PLEKHG4B: variants seen among roughly 807,000 people sequenced by gnomAD.
The protein encoded by PLEKHG4B is pleckstrin homology and RhoGEF domain containing G4B, also known as pleckstrin homology domain-containing family G member 4B.
In PLEKHG4B, 111 loss-of-function variants were observed where a neutral mutation model predicts 121.3. That is an observed-to-expected ratio of 0.92 (90% CI 0.78 to 1.07). PLEKHG4B has a LOEUF of 1.07. Ranked by LOEUF, PLEKHG4B falls within the 50% of genes least tolerant of loss-of-function variation. PLEKHG4B has a pLI of 0.00. For missense variants in PLEKHG4B, 1,831 were observed against 1,757.8 expected, an observed-to-expected ratio of 1.04 and a Z score of -0.74; for synonymous variants, 738 against 725.0, an observed-to-expected ratio of 1.02 and a Z score of -0.29.
chr5:133,245 C>T (rs559355327), intron 2 of PLEKHG4B, among the ~76,000 whole-genome samples: 28 of 152,130 alleles, frequency 1.8e-4, no homozygotes, highest in Non-Finnish European at 3.4e-4. Context: ...AATTTTGTGT[C>T]CTGAAACTTT....
At chr5:148,998 T>TA (rs1453140887) in intron 6 of PLEKHG4B, among the ~76,000 whole-genome samples, 1 of 152,146 alleles carries the variant, frequency 6.6e-6, no homozygotes, top group African/African-American at 2.4e-5. Flanking sequence ...AAATGGTGCT[T>TA]AAAAAACTAG....
Position 135,187 on chromosome 5 carries a change from C to CAAAAAAAAA in PLEKHG4B, c.244-4282_244-4274dup, listed in dbSNP as rs35601775. The stretch of plus-strand genomic sequence containing the variant: ...TGGGTGACAGAACGAGACTCCAGCT[C>CAAAAAAAAA]AAAAAAAAAAAAAAAAAAAAAAGTT... On this transcript the variant is annotated intron_variant, in intron 2 of 19. Transcript: ENST00000637938. Among the ~76,000 whole-genome samples the CAAAAAAAAA allele has an allele frequency of 1.1e-3, 52 of 48,770 alleles. 2 individuals are homozygous for CAAAAAAAAA. The highest frequency in any genetic ancestry group is 3.2e-3 in the African/African-American group (51 of 15,836). 32.0% of individuals were successfully genotyped at this position (48,770 alleles called of 152,430 possible).
chr5:116,973 G>A lies in PLEKHG4B; in HGVS notation c.243+3525G>A, dbSNP rs549754024. On this transcript the variant is annotated intron_variant, in intron 2 of 19. Transcript: ENST00000637938. The stretch of plus-strand genomic sequence containing the variant: ...GCTGGAGCCCCACTGCTTTCGCTGC[G>A]TCTGAAAACGCGTGGCTGCTTTCAA... Among the ~76,000 whole-genome samples, 21 of 152,298 alleles carry A rather than the reference G, an allele frequency of 1.4e-4. No homozygotes were observed. The East Asian group carries it at 2.1e-3, about 15-fold the overall frequency.
chr5:162,079 C>T (rs887145073), intron 12 of PLEKHG4B, 135 bp downstream of exon 12: 42 of 1,162,082 alleles, frequency 3.6e-5, no homozygotes, highest in African/African-American at 7.8e-5. Flanking sequence ...TGGAGCCCCC[C>T]TGGCCACTGC....
intron 1 of PLEKHG4B, among the ~76,000 whole-genome samples, chr5:99,891 G>C (rs1381337400): frequency 6.6e-6 from 1 of 152,120 alleles, no homozygotes; most frequent in Non-Finnish European, 1.5e-5. Flanking sequence ...TATGGAGGAA[G>C]TTTCTTTCTA....
chr5:166,726 A>AT (rs1736365410), intron 13 of PLEKHG4B, among the ~76,000 whole-genome samples: 1 of 152,210 alleles, frequency 6.6e-6, no homozygotes, highest in African/African-American at 2.4e-5. Context: ...CTTAAGGTCC[A>AT]TAGAAGGGGT....
In PLEKHG4B at chr5:183,521, C is replaced by G. The variant is rs894540059; in HGVS notation, c.*1198C>G. 1 of 152,182 alleles carries G rather than the reference C, an allele frequency of 6.6e-6. No homozygotes were observed. The highest frequency in any genetic ancestry group is 2.4e-5 in the African/African-American group (1 of 41,432). 9.4% of individuals were successfully genotyped at this position (152,182 alleles called of 1,614,324 possible). A position where few individuals can be genotyped will look rare whatever the true frequency, so the allele number is the denominator to read the frequency against. ...TTGGGAGGCCGAGGCAGGCGGATCA[C>G]GAGGTCAGGAGATCAAGACCATCCT... On this transcript the variant is annotated 3_prime_UTR_variant, in exon 20 of 20. Coordinates refer to ENST00000637938, the MANE Select transcript of PLEKHG4B (RefSeq NM_052909.5).
intron 2 of PLEKHG4B, among the ~76,000 whole-genome samples, chr5:132,055 G>A (rs11747517): frequency 0.18 from 27,807 of 152,026 alleles, 3,460 homozygotes; most frequent in African/African-American, 0.35. Context: ...CCCACAAACA[G>A]TATTGTCCTC....
At chr5:160,871 C>G (rs1033718254) in intron 11 of PLEKHG4B, among the ~76,000 whole-genome samples, 6 of 152,202 alleles carry the variant, frequency 3.9e-5, no homozygotes, top group African/African-American at 7.2e-5. Context: ...CTGGCAGTTG[C>G]AAGACTCTGC....
intron 1 of PLEKHG4B, among the ~76,000 whole-genome samples, chr5:94,043 C>G (rs1017571395): frequency 6.6e-6 from 1 of 152,226 alleles, no homozygotes; most frequent in African/African-American, 2.4e-5. Context: ...ACTCTCACCT[C>G]AGACCTCCAA....
intron 14 of PLEKHG4B, 124 bp downstream of exon 14, chr5:169,716 G>C: frequency 7.2e-7 from 1 of 1,397,576 alleles, no homozygotes; most frequent in South Asian, 1.4e-5. Flanking sequence ...TCTAGGAGCT[G>C]GTCCTGACAG....
rs1491292583 is a variant in PLEKHG4B, at chr5:184,023, A to AGATAGATAGATAGATAGAT, written c.*1706_*1707insTAGATAGATAGATGATAGA. Reference sequence around the variant, plus strand: ...TAGATAGATAGATAGATAGATAGATAGATAGACTGACAGACAGATGAGAGG... The same window carrying AGATAGATAGATAGATAGAT: ...TAGATAGATAGATAGATAGATAGATAGATAGATAGATAGATAGATGATAGACTGACAGACAGATGAGAGG... On this transcript the variant is annotated 3_prime_UTR_variant, in exon 20 of 20. Transcript: ENST00000637938. 66 of 151,262 alleles carry AGATAGATAGATAGATAGAT rather than the reference A, an allele frequency of 4.4e-4. No homozygotes were observed. Among genetic ancestry groups the AGATAGATAGATAGATAGAT allele is most frequent in the African/African-American group, 1.5e-3 (62 of 41,260 alleles). 9.4% of individuals were successfully genotyped at this position (151,262 alleles called of 1,614,324 possible).
chr5:153,777 C>T (rs901602338), intron 7 of PLEKHG4B, among the ~76,000 whole-genome samples: 8 of 152,126 alleles, frequency 5.3e-5, no homozygotes, highest in African/African-American at 1.7e-4. Flanking sequence ...CCTTGACCTC[C>T]CCAGGCTTAG....
At chr5:125,934 C>G (rs1734600549) in intron 2 of PLEKHG4B, among the ~76,000 whole-genome samples, 1 of 152,228 alleles carries the variant, frequency 6.6e-6, no homozygotes, top group Admixed American at 6.5e-5. Flanking sequence ...CCACTGCCTT[C>G]TGGACTTGAA....
chr5:115,076 A>T (rs544575351), intron 2 of PLEKHG4B, among the ~76,000 whole-genome samples: 1 of 152,368 alleles, frequency 6.6e-6, no homozygotes, highest in East Asian at 1.9e-4. Context: ...TCTCTATGGC[A>T]GCTATAGTCT....
Position 189,328 on chromosome 5 carries a change from C to G in PLEKHG4B, c.*7005C>G, listed in dbSNP as rs572028269. The G allele has an allele frequency of 6.6e-6, 1 of 152,598 alleles. No individual in the cohort carries two copies. The highest frequency in any genetic ancestry group is 2.1e-4 in the South Asian group (1 of 4,834). The allele number at this position is 152,598 out of a possible 1,614,324, so 9.5% of individuals were successfully genotyped here. On this transcript the variant is annotated 3_prime_UTR_variant, in exon 20 of 20. Coordinates refer to ENST00000637938, the MANE Select transcript of PLEKHG4B (RefSeq NM_052909.5). The stretch of plus-strand genomic sequence containing the variant: ...CGTGTCCACCGCCCATGGCCGGGCT[C>G]ACAGTGTCTCAGAGCCGTGGTGAGC...
chr5:140,742 G>A, intron 3 of PLEKHG4B, 26 bp downstream of exon 3: 1 of 1,504,440 alleles, frequency 6.6e-7, no homozygotes, highest in Non-Finnish European at 8.8e-7. Context: ...GCCCTCCCCT[G>A]CGCACCCCCA....
In PLEKHG4B at chr5:183,882, C is replaced by G. The variant is rs1464804294; in HGVS notation, c.*1559C>G. The G allele has an allele frequency of 6.6e-6, 1 of 152,112 alleles. No individual in the cohort carries two copies. The highest frequency in any genetic ancestry group is 2.4e-5 in the African/African-American group (1 of 41,390). The allele number at this position is 152,112 out of a possible 1,614,324, so 9.4% of individuals were successfully genotyped here. A position where few individuals can be genotyped will look rare whatever the true frequency, so the allele number is the denominator to read the frequency against. ...TTTCACAGAAGAGACCATGAGGCACCTTGAAGACACATCAGTGGAAACTAT... is the reference window on the plus strand; with the variant it reads ...TTTCACAGAAGAGACCATGAGGCACGTTGAAGACACATCAGTGGAAACTAT... On this transcript the variant is annotated 3_prime_UTR_variant, in exon 20 of 20. Transcript: ENST00000637938.
intron 1 of PLEKHG4B, among the ~76,000 whole-genome samples, chr5:92,661 C>T (rs1300525179): frequency 2.0e-5 from 3 of 151,386 alleles, no homozygotes; most frequent in East Asian, 3.9e-4. Context: ...CTTGTAACCT[C>T]GTGAATACTC....
Sources: gnomAD v4.1 joint callset for allele counts (sites outside exome capture counted in the v4.1 genomes callset) on GRCh38, gnomAD v4.1.1 for gene constraint, MANE v1.5 for transcripts, NCBI Gene and HGNC (gene_info 2026-07-23, HGNC 2026-07-21) for gene names.